The following SUN3 variants were observed in gnomAD, a reference collection of about 807,000 sequenced individuals.
The protein encoded by SUN3 is SUN domain-containing protein 3.
A neutral mutation model predicts 48.2 loss-of-function variants in SUN3; 36 were observed. The ratio of observed to expected loss-of-function variants is 0.75; its 90% CI spans 0.57 to 0.99. SUN3 has a LOEUF of 0.99. SUN3 is among the 50% of genes least tolerant of loss of function. SUN3 has a pLI of 0.00. For missense variants in SUN3, 419 were observed against 433.1 expected (o/e 0.97, Z 0.29); for synonymous variants, 148 against 147.9 (o/e 1.00, Z 0.00).
In SUN3 at chr7:47,994,357, C is replaced by A. The variant is rs138815958; in HGVS notation, c.819G>T (p.Pro273=). 18 of 1,613,470 alleles carry A rather than the reference C, an allele frequency of 1.1e-5. No homozygotes were observed. Among genetic ancestry groups the A allele is most frequent in the African/African-American group, 6.7e-5 (5 of 74,884 alleles). ...TMEHISEKVS[P]SGNISSAPKE... is the part of the protein sequence containing the mutation. ...TGGGTGCACTGGAGATGTTTCCTGA[C>A]GGAGACACCTTCTCTGAGATGTGCT... is the stretch of plus-strand genomic sequence containing the variant. Residue 273 remains proline (P), a synonymous_variant, in exon 8 of 10, where the codon CCG becomes CCT. Coordinates refer to ENST00000297325, the MANE Select transcript of SUN3 (RefSeq NM_001030019.2).
At chr7:47,988,749 G>C in intron 9 of SUN3, 39 bp downstream of exon 9, 1 of 1,292,560 alleles carries the variant, frequency 7.7e-7, no homozygotes, top group Non-Finnish European at 1.1e-6. Context: ...TTCTCCCAGT[G>C]ATAGAGCTAC....
chr7:48,002,252 C>T (rs1401542822), intron 6 of SUN3, among the ~76,000 whole-genome samples: 2 of 138,756 alleles, frequency 1.4e-5, no homozygotes, highest in East Asian at 4.0e-4. Context: ...CTCCGCCTCC[C>T]GGGTTCACGC....
the SUN3 span, chr7:48,035,749 T>G: frequency 1.7e-6 from 1 of 583,312 alleles, no homozygotes; most frequent in South Asian, 2.0e-5. The surrounding 1 kb of genome is among the most constrained non-coding windows in gnomAD (Gnocchi z 4.0). Context: ...GGGACCACCT[T>G]GTCGCCGGGT....
At chr7:48,013,884 G>A (rs1776533233) in intron 3 of SUN3, among the ~76,000 whole-genome samples, 1 of 152,166 alleles carries the variant, frequency 6.6e-6, no homozygotes, top group Admixed American at 6.5e-5. Flanking sequence ...TGAAAACCAG[G>A]TTAACACTGG....
At chr7:48,029,185 A>C, upstream of SUN3, 1 of 467,956 alleles carries the variant, frequency 2.1e-6, no homozygotes, top group Admixed American at 3.7e-5. Flanking sequence ...ATGGACAGGC[A>C]ACCACCTCTC....
chr7:48,017,385 C>T lies in SUN3; in HGVS notation c.185-20G>A. The T allele has an allele frequency of 7.4e-7, 1 of 1,358,906 alleles. No homozygotes were observed. Among genetic ancestry groups the T allele is most frequent in the Non-Finnish European group, 1.0e-6 (1 of 961,004 alleles). 84.2% of individuals were successfully genotyped at this position (1,358,906 alleles called of 1,614,324 possible). ...GGAGTCCTGTTAAAGAAAAGACAAA[C>T]TTTGATTAAAGAGTTTCTCTGGAAA... On this transcript the variant is annotated intron_variant, in intron 2 of 9. Transcript: ENST00000297325.
Position 47,994,325 on chromosome 7 carries a change from A to G in SUN3, c.851T>C (p.Phe284Ser). Residue 284 changes from phenylalanine (F) to serine (S), a missense_variant, in exon 8 of 10, where the codon TTT becomes TCT. Transcript: ENST00000297325. ...SGNISSAPKE[F>S]SVYGITKKCE... ...TAGATAGCTTCTTACATAGACAGAA[A>G]ATTCCTTGGGTGCACTGGAGATGTT... is the stretch of plus-strand genomic sequence containing the variant. 2 of 1,613,112 alleles carry G rather than the reference A, an allele frequency of 1.2e-6. No homozygotes were observed. The highest frequency in any genetic ancestry group is 1.7e-6 in the Non-Finnish European group (2 of 1,179,724).
At chr7:48,029,214 G>C (rs186600855), upstream of SUN3, 124 of 394,480 alleles carry the variant, frequency 3.1e-4, 1 homozygote, top group African/African-American at 2.4e-3. Flanking sequence ...GGGCCTAATT[G>C]TACCATATGT....
At chr7:47,992,553 A>G (rs760999207) in intron 8 of SUN3, among the ~76,000 whole-genome samples, 2 of 152,204 alleles carry the variant, frequency 1.3e-5, no homozygotes, top group Non-Finnish European at 2.9e-5. Flanking sequence ...GGGAAAGAAG[A>G]AACACTTTTT....
chr7:47,996,704 C>A (rs1583748673), intron 6 of SUN3, among the ~76,000 whole-genome samples: 1 of 151,868 alleles, frequency 6.6e-6, no homozygotes, highest in Non-Finnish European at 1.5e-5. Flanking sequence ...AAAGAAAATG[C>A]AAATTGCTTT....
At position 48,008,707 on chromosome 7, in the gene SUN3, T is replaced by C. The variant is rs113874853; in HGVS notation, c.329+328A>G. ...AAGTGAGAGGAGGCAATTTTTATTT[T>C]GTTGTTTCCTTCTTTTGATAAATCC... On this transcript the variant is annotated intron_variant, in intron 4 of 9. Transcript: ENST00000297325. 5.3e-3 allele frequency among the ~76,000 whole-genome samples: 800 copies of C among 152,360 alleles called. 10 individuals carry two copies. Among genetic ancestry groups the C allele is most frequent in the African/African-American group, 0.018 (735 of 41,596 alleles).
At chr7:47,994,292 G>A (rs1488176248) in intron 8 of SUN3, 23 bp downstream of exon 8, 5 of 1,611,686 alleles carry the variant, frequency 3.1e-6, no homozygotes, top group Non-Finnish European at 4.2e-6. Flanking sequence ...CAATCTGAAT[G>A]ACAAATTTAG....
chr7:47,990,011 A>C (rs1789008402), intron 8 of SUN3, among the ~76,000 whole-genome samples: 1 of 152,240 alleles, frequency 6.6e-6, no homozygotes, highest in Admixed American at 6.5e-5. Context: ...GGTATTGTCC[A>C]AGGTTTCTCC....
chr7:47,992,306 C>G (rs1181591167), intron 8 of SUN3, among the ~76,000 whole-genome samples: 1 of 152,148 alleles, frequency 6.6e-6, no homozygotes, highest in Non-Finnish European at 1.5e-5. Context: ...GCTAGGAAAT[C>G]CAGACCCGGA....
chr7:48,022,543 A>G (rs1790029302), intron 2 of SUN3, among the ~76,000 whole-genome samples: 1 of 152,110 alleles, frequency 6.6e-6, no homozygotes, highest in Non-Finnish European at 1.5e-5. Flanking sequence ...AAGTATATAT[A>G]CTATGTACCC....
intron 6 of SUN3, among the ~76,000 whole-genome samples, chr7:47,999,899 T>G (rs142447731): frequency 1.1e-3 from 163 of 152,376 alleles, no homozygotes; most frequent in African/African-American, 3.8e-3. Context: ...TTCTCATGAT[T>G]ACAACGCACG....
At chr7:48,011,724 A>G (rs1562608430) in intron 3 of SUN3, among the ~76,000 whole-genome samples, 1 of 152,340 alleles carries the variant, frequency 6.6e-6, no homozygotes, top group South Asian at 2.1e-4. Flanking sequence ...ATTTTGCTTC[A>G]TTCCCAAAAG....
At position 48,020,115 on chromosome 7, in the gene SUN3, T is replaced by A. The variant is rs568617411; in HGVS notation, c.185-2750A>T. Among the ~76,000 whole-genome samples the A allele has an allele frequency of 2.6e-5, 4 of 152,028 alleles. No homozygotes were observed. The South Asian group carries it at 6.3e-4, about 24-fold the overall frequency. On this transcript the variant is annotated intron_variant, in intron 2 of 9. Transcript: ENST00000297325. ...CATTAGAAAGATCATTCATCATGAC[T>A]GAGTGGGATTTATCCCTGGGATGCA...
intron 2 of SUN3, among the ~76,000 whole-genome samples, chr7:48,024,369 A>C (rs569141327): frequency 6.6e-6 from 1 of 152,212 alleles, no homozygotes; most frequent in Non-Finnish European, 1.5e-5. Context: ...TTTAATGGAC[A>C]TGTCTCCAAG....
Sources: allele counts gnomAD v4.1 joint callset (sites outside exome capture counted in the v4.1 genomes callset), GRCh38; gene constraint gnomAD v4.1.1; non-coding constraint Gnocchi (gnomAD v3.1); transcripts MANE v1.5; gene names NCBI Gene and HGNC (gene_info 2026-07-23, HGNC 2026-07-21).